The following PPFIA1 variants were observed in gnomAD, a reference collection of about 807,000 sequenced individuals.
PPFIA1 encodes PPFI scaffold protein A1.
In PPFIA1, 25 loss-of-function variants were observed where a neutral mutation model predicts 149.9. That is an observed-to-expected ratio of 0.17 (90% CI 0.12 to 0.23). The LOEUF (loss-of-function observed/expected upper bound fraction) is 0.23, where lower values mean the gene tolerates loss of function less well. PPFIA1 is among the 10% of genes least tolerant of loss of function. PPFIA1 has a pLI of 1.00. For missense variants in PPFIA1, 1,362 were observed against 1,506.5 expected (o/e 0.90, Z 1.59); for synonymous variants, 549 against 552.8 (o/e 0.99, Z 0.10).
intron 19 of PPFIA1, among the ~76,000 whole-genome samples, chr11:70,359,786 A>C (rs891112900): frequency 5.9e-5 from 9 of 152,252 alleles, no homozygotes; most frequent in Non-Finnish European, 1.2e-4. Flanking sequence ...TAGCATTCTC[A>C]GTAGCAAGTG....
chr11:70,345,557 CTGTT>C (rs933598884), intron 15 of PPFIA1, among the ~76,000 whole-genome samples: 6 of 152,158 alleles, frequency 3.9e-5, no homozygotes, highest in African/African-American at 1.4e-4. Context: ...AGGATGGAGT[CTGTT>C]TGTTGAGATG....
rs1319025869 is a variant in PPFIA1 at position 70,324,969 on chromosome 11, A to C, written c.489A>C (p.Ala163=). 1.1e-5 allele frequency: 18 copies of C among 1,613,408 alleles called. No homozygotes were observed. The highest frequency in any genetic ancestry group is 1.5e-5 in the Non-Finnish European group (18 of 1,179,908). The change falls in exon 4 of 28, where the codon GCA becomes GCC. Residue 163 remains alanine (A), a synonymous_variant. Coordinates refer to ENST00000253925, the MANE Select transcript of PPFIA1 (RefSeq NM_003626.5). ...GVSSEVEVLK[A]LKSLFEHHKA... The stretch of plus-strand genomic sequence containing the variant: ...CCAGCGAAGTGGAAGTGCTGAAAGC[A>C]CTGAAGTCCTTATTTGAACACCACA...
At chr11:70,308,440 A>G (rs1473715627) in intron 2 of PPFIA1, among the ~76,000 whole-genome samples, 1 of 152,260 alleles carries the variant, frequency 6.6e-6, no homozygotes, top group Non-Finnish European at 1.5e-5. Flanking sequence ...TGGCACATGC[A>G]TAGGTCTATT....
intron 11 of PPFIA1, among the ~76,000 whole-genome samples, chr11:70,336,880 G>T (rs965631773): frequency 1.3e-5 from 2 of 152,166 alleles, no homozygotes; most frequent in Admixed American, 1.3e-4. Context: ...AATGATTCCC[G>T]CTCATTGCAT....
chr11:70,358,656 CT>C (rs1016472643), intron 19 of PPFIA1: 2 of 152,330 alleles, frequency 1.3e-5, no homozygotes, highest in Admixed American at 6.5e-5. Context: ...TTATTAACCC[CT>C]GATTTAACTC....
At chr11:70,376,639 G>A (rs763082529) in intron 25 of PPFIA1, 39 bp downstream of exon 25, 1 of 1,461,440 alleles carries the variant, frequency 6.8e-7, no homozygotes, top group Non-Finnish European at 9.6e-7. Context: ...TGTCTGAAAT[G>A]TGTGTAAATG....
At chr11:70,313,207 T>C (rs1380068115) in intron 2 of PPFIA1, among the ~76,000 whole-genome samples, 1 of 152,192 alleles carries the variant, frequency 6.6e-6, no homozygotes, top group Non-Finnish European at 1.5e-5. Flanking sequence ...CTCTTCTGTG[T>C]GCTCATGGTG....
At chr11:70,287,749 T>C (rs2136171599) in intron 2 of PPFIA1, among the ~76,000 whole-genome samples, 1 of 152,098 alleles carries the variant, frequency 6.6e-6, no homozygotes, top group Admixed American at 6.5e-5. Context: ...GCTCAGGCAG[T>C]CCTCCCACTT....
At chr11:70,280,728 C>T (rs1025855813) in intron 2 of PPFIA1, among the ~76,000 whole-genome samples, 1 of 152,128 alleles carries the variant, frequency 6.6e-6, no homozygotes, top group African/African-American at 2.4e-5. Flanking sequence ...CCACTGTGCC[C>T]AGCTAATTTT....
chr11:70,274,234 C>T (rs2050255621), intron 2 of PPFIA1, among the ~76,000 whole-genome samples: 1 of 152,176 alleles, frequency 6.6e-6, no homozygotes, highest in African/African-American at 2.4e-5. Context: ...TGCATTTGTG[C>T]TCCTGGCACA....
chr11:70,286,512 A>G (rs900550433), intron 2 of PPFIA1, among the ~76,000 whole-genome samples: 30 of 151,866 alleles, frequency 2.0e-4, no homozygotes, highest in African/African-American at 7.0e-4. Flanking sequence ...TGGCCTCCCA[A>G]AGTGCTGGGA....
intron 23 of PPFIA1, 38 bp downstream of exon 23, chr11:70,372,612 A>G (rs1379615975): frequency 3.9e-6 from 6 of 1,526,294 alleles, no homozygotes; most frequent in Non-Finnish European, 5.4e-6. Context: ...GTTTACTCCT[A>G]CTTGCTGGTG....
intron 2 of PPFIA1, among the ~76,000 whole-genome samples, chr11:70,320,957 C>T (rs551612241): frequency 1.3e-5 from 2 of 152,242 alleles, no homozygotes; most frequent in African/African-American, 2.4e-5. Context: ...TAGTTCTGGA[C>T]GGAGGCCTTG....
At chr11:70,353,170 G>A (rs894778724) in intron 16 of PPFIA1, among the ~76,000 whole-genome samples, 2 of 152,122 alleles carry the variant, frequency 1.3e-5, no homozygotes, top group African/African-American at 4.8e-5. Flanking sequence ...CCACAGTGGG[G>A]CTACAGTAGG....
rs758606564 is a variant in PPFIA1, at chr11:70,375,124, A to G, written c.3315+31A>G. On this transcript the variant is annotated intron_variant, in intron 24 of 27. Coordinates refer to ENST00000253925, the MANE Select transcript of PPFIA1 (RefSeq NM_003626.5). ...GCCAAACCTGTCTGTGTCTGCACTC[A>G]TTGTTCAGTTGGCACCCTGATTATA... 4 of 1,408,802 alleles carry G rather than the reference A, an allele frequency of 2.8e-6. No individual in the cohort carries two copies. In the East Asian group the frequency reaches 9.1e-5, roughly 32 times the overall value. 87.3% of individuals were successfully genotyped at this position (1,408,802 alleles called of 1,614,324 possible).
chr11:70,284,463 A>AT (rs1459617825), intron 2 of PPFIA1, among the ~76,000 whole-genome samples: 1 of 151,766 alleles, frequency 6.6e-6, no homozygotes, highest in Non-Finnish European at 1.5e-5. Flanking sequence ...CCCTGTGTGA[A>AT]TATTACCGTT....
At chr11:70,295,684 G>A (rs2051919386) in intron 2 of PPFIA1, among the ~76,000 whole-genome samples, 1 of 145,856 alleles carries the variant, frequency 6.9e-6, no homozygotes, top group South Asian at 2.2e-4. Flanking sequence ...CCGGGCCGGG[G>A]GCTGACCCCC....
At chr11:70,330,812 C>CT (rs1304089278) in intron 8 of PPFIA1, among the ~76,000 whole-genome samples, 8 of 152,080 alleles carry the variant, frequency 5.3e-5, no homozygotes, top group Non-Finnish European at 1.2e-4. Context: ...TGGCATGTGC[C>CT]TTTAGCCCTA....
intron 19 of PPFIA1, chr11:70,358,600 A>T (rs1447523048): frequency 6.6e-6 from 1 of 152,236 alleles, no homozygotes; most frequent in Non-Finnish European, 1.5e-5. Flanking sequence ...TTTAATATTT[A>T]TGCCATCTTA....
Sources: gnomAD v4.1 joint callset for allele counts (sites outside exome capture counted in the v4.1 genomes callset) on GRCh38, gnomAD v4.1.1 for gene constraint, MANE v1.5 for transcripts, NCBI Gene and HGNC (gene_info 2026-07-23, HGNC 2026-07-21) for gene names.